Variants in ENPP3 observed in about 807,000 individuals in gnomAD.
ENPP3 encodes the protein ectonucleotide pyrophosphatase/phosphodiesterase family member 3.
ENPP3 carries 104 observed loss-of-function variants against 117.8 expected under a neutral mutation model. That is an observed-to-expected ratio of 0.88 (90% CI 0.75 to 1.04). ENPP3 has a LOEUF of 1.04. Among genes scored for constraint, ENPP3 ranks in the 50% least tolerant of loss-of-function variants. ENPP3 has a pLI of 0.00. For missense variants in ENPP3, 1,026 were observed against 1,051.9 expected, an observed-to-expected ratio of 0.98 and a Z score of 0.34; for synonymous variants, 380 against 349.9, an observed-to-expected ratio of 1.09 and a Z score of -0.96.
intron 6 of ENPP3, among the ~76,000 whole-genome samples, chr6:131,661,531 A>G (rs1050132388): frequency 2.0e-5 from 3 of 151,966 alleles, no homozygotes; most frequent in Non-Finnish European, 4.4e-5. Flanking sequence ...GGCTCAAGTG[A>G]TCCTCCCATC....
At chr6:131,733,770 A>C in intron 21 of ENPP3, 47 bp downstream of exon 21, 1 of 1,595,900 alleles carries the variant, frequency 6.3e-7, no homozygotes, top group African/African-American at 1.3e-5. Flanking sequence ...AGCTCTCATC[A>C]GCTGGATGTG....
At chr6:131,697,438 G>A (rs1342430666) in intron 15 of ENPP3, among the ~76,000 whole-genome samples, 1 of 144,144 alleles carries the variant, frequency 6.9e-6, no homozygotes, top group African/African-American at 2.5e-5. Context: ...GGGCGGGAAG[G>A]GGGGGTGGTT....
chr6:131,731,312 T>G (rs577463981), intron 20 of ENPP3, among the ~76,000 whole-genome samples: 2 of 152,308 alleles, frequency 1.3e-5, no homozygotes, highest in Non-Finnish European at 2.9e-5. Flanking sequence ...TCTATAAGCT[T>G]CACTATAGGT....
chr6:131,649,535 C>T (rs1345359261), intron 2 of ENPP3, among the ~76,000 whole-genome samples: 1 of 152,072 alleles, frequency 6.6e-6, no homozygotes, highest in Admixed American at 6.6e-5. Context: ...CCATGTACTC[C>T]TTGTACATAT....
chr6:131,671,219 T>G, intron 6 of ENPP3, 29 bp from the exon 7 acceptor site: 1 of 1,294,098 alleles, frequency 7.7e-7, no homozygotes, highest in African/African-American at 1.5e-5. Flanking sequence ...AGAAACAACT[T>G]CCTAATTTCT....
In ENPP3 at chr6:131,746,840, C is replaced by T. The variant is rs202002060; in HGVS notation, c.2512C>T (p.Arg838Trp). 5.3e-5 allele frequency: 86 copies of T among 1,612,786 alleles called. No homozygotes were observed. The highest frequency in any genetic ancestry group is 2.1e-4 in the South Asian group (19 of 90,850). Residue 838 changes from arginine (R) to tryptophan (W), a missense_variant, in exon 25 of 25, where the codon CGG (arginine) becomes TGG (tryptophan). Coordinates refer to ENST00000357639, the MANE Select transcript of ENPP3 (RefSeq NM_005021.5). ...AGAAAGATTTACAGCTCACATTGCC[C>T]GGGTCCGTGATGTAGAACTTCTCAC... ...VEERFTAHIARVRDVELLTGL... is the reference protein window; with the variant it reads ...VEERFTAHIAWVRDVELLTGL...
At chr6:131,641,322 C>A (rs1045831137) in intron 1 of ENPP3, 133 bp from the exon 2 acceptor site, 5 of 500,322 alleles carry the variant, frequency 1.0e-5, no homozygotes, top group African/African-American at 7.7e-5. Context: ...GATACTAGAT[C>A]ATTGTTGGAT....
chr6:131,685,293 T>G, intron 12 of ENPP3, 71 bp from the exon 13 acceptor site: 1 of 1,303,478 alleles, frequency 7.7e-7, no homozygotes, highest in Non-Finnish European at 1.1e-6. Flanking sequence ...GTCTTCTATT[T>G]GACAAGACAG....
At chr6:131,643,803 C>T (rs1196804869) in intron 2 of ENPP3, among the ~76,000 whole-genome samples, 1 of 151,826 alleles carries the variant, frequency 6.6e-6, no homozygotes, top group East Asian at 1.9e-4. Context: ...CAAAATCCTT[C>T]CAGGAGTTTA....
At position 131,646,972 on chromosome 6, in the gene ENPP3, C is replaced by CTT. The variant is rs747724228; in HGVS notation, c.155-3037_155-3036dup. 8.1e-4 allele frequency among the ~76,000 whole-genome samples: 104 copies of CTT among 127,610 alleles called. No individual in the cohort carries two copies. In the East Asian group the frequency reaches 0.014, roughly 18 times the overall value. 83.7% of individuals were successfully genotyped at this position (127,610 alleles called of 152,430 possible). The stretch of plus-strand genomic sequence containing the variant: ...GTAAATGAGTTTTATCAACCAGCTA[C>CTT]TTTTTTTTTTTTTTTTTTTGCCTCT... On this transcript the variant is annotated intron_variant, in intron 2 of 24. Transcript: ENST00000357639.
At chr6:131,746,656 G>T (rs140030887) in intron 24 of ENPP3, 130 bp from the exon 25 acceptor site, 29 of 671,096 alleles carry the variant, frequency 4.3e-5, no homozygotes, top group African/African-American at 4.1e-4. Flanking sequence ...ACTAAATTTA[G>T]CTGTATCAAA....
At chr6:131,722,144 G>A in intron 17 of ENPP3, 83 bp from the exon 18 acceptor site, 1 of 897,420 alleles carries the variant, frequency 1.1e-6, no homozygotes, top group South Asian at 1.6e-5. Context: ...GAAAGAGTAG[G>A]TGTTTGTTTC....
chr6:131,694,520 A>AG (rs1465465177), intron 15 of ENPP3, among the ~76,000 whole-genome samples: 1 of 152,182 alleles, frequency 6.6e-6, no homozygotes, highest in Non-Finnish European at 1.5e-5. Flanking sequence ...ATGTAATGCC[A>AG]GGGGGATAGA....
intron 5 of ENPP3, 135 bp from the exon 6 acceptor site, chr6:131,658,188 A>G: frequency 1.6e-6 from 1 of 611,334 alleles, no homozygotes; most frequent in Non-Finnish European, 2.9e-6. Flanking sequence ...AAAATAAAAA[A>G]TGACAGTGTC....
intron 7 of ENPP3, among the ~76,000 whole-genome samples, chr6:131,671,732 ACTT>A (rs930793222): frequency 1.3e-5 from 2 of 152,186 alleles, no homozygotes; most frequent in Admixed American, 6.5e-5. Context: ...ACTTGATAGA[ACTT>A]CTTTTTCATA....
chr6:131,685,580 G>A (rs1779137507), intron 13 of ENPP3, 85 bp downstream of exon 13: 2 of 1,372,848 alleles, frequency 1.5e-6, no homozygotes, highest in Non-Finnish European at 2.0e-6. Context: ...GGAAGTTGGG[G>A]TTATCAGACC....
In ENPP3 at chr6:131,747,291, A is replaced by G. The variant is rs1780657003; in HGVS notation, c.*335A>G. On this transcript the variant is annotated 3_prime_UTR_variant, in exon 25 of 25. Transcript: ENST00000357639. ...TATATTTTTCTGCCCAGAATTATCTAAACAAAAGGGAGAACAAAAGAAGTA... is the reference window on the plus strand; with the variant it reads ...TATATTTTTCTGCCCAGAATTATCTGAACAAAAGGGAGAACAAAAGAAGTA... 1.3e-5 allele frequency: 2 copies of G among 157,044 alleles called. No individual in the cohort carries two copies. The highest frequency in any genetic ancestry group is 6.5e-5 in the Admixed American group (1 of 15,406). The allele number at this position is 157,044 out of a possible 1,614,324, so 9.7% of individuals were successfully genotyped here.
At chr6:131,745,987 G>A (rs1031159543) in intron 24 of ENPP3, among the ~76,000 whole-genome samples, 1 of 151,968 alleles carries the variant, frequency 6.6e-6, no homozygotes, top group African/African-American at 2.4e-5. Context: ...TGGGTGTGGC[G>A]GCGGGTGCCT....
chr6:131,646,218 C>A (rs751851322), intron 2 of ENPP3, among the ~76,000 whole-genome samples: 9 of 151,548 alleles, frequency 5.9e-5, no homozygotes, highest in Admixed American at 1.3e-4. Flanking sequence ...AATTATAGTT[C>A]TCTTTCTTAT....
Sources: allele counts gnomAD v4.1 joint callset (sites outside exome capture counted in the v4.1 genomes callset), GRCh38; gene constraint gnomAD v4.1.1; transcripts MANE v1.5; gene names NCBI Gene and HGNC (gene_info 2026-07-23, HGNC 2026-07-21).